The following TFDP1 variants were observed in gnomAD, a reference collection of about 807,000 sequenced individuals.
The protein encoded by TFDP1 is transcription factor Dp-1.
In TFDP1, 6 loss-of-function variants were observed where a neutral mutation model predicts 48.0. That is an observed-to-expected ratio of 0.13 (90% confidence interval 0.07 to 0.25). The LOEUF (loss-of-function observed/expected upper bound fraction) is 0.25, where lower values mean the gene tolerates loss of function less well. Ranked by LOEUF, TFDP1 falls within the 10% of genes least tolerant of loss-of-function variation. The pLI is 1.00. For missense variants in TFDP1, 335 were observed against 543.0 expected, an observed-to-expected ratio of 0.62 and a Z score of 3.81; for synonymous variants, 201 against 211.6, an observed-to-expected ratio of 0.95 and a Z score of 0.44.
chr13:113,595,977 G>A (rs1298663290), intron 2 of TFDP1, among the ~76,000 whole-genome samples: 1 of 152,234 alleles, frequency 6.6e-6, no homozygotes, highest in Non-Finnish European at 1.5e-5. Flanking sequence ...AGCTACTTGG[G>A]AGGCTGAGGC....
At chr13:113,586,039 C>T (rs1332361797) in intron 2 of TFDP1, 190 bp downstream of exon 2, 3 of 576,424 alleles carry the variant, frequency 5.2e-6, no homozygotes, top group East Asian at 2.9e-5. Flanking sequence ...GGTCACCACC[C>T]ACAAGTTGTG....
rs931883880 is a variant in TFDP1, at chr13:113,640,624, C to G, written c.*357C>G. On this transcript the variant is annotated 3_prime_UTR_variant, in exon 12 of 12. Coordinates refer to ENST00000375370, the MANE Select transcript of TFDP1 (RefSeq NM_007111.5). ...CACATCCATGAAAATAAAACACCTC[C>G]TGTTGTGGATGGTGAGCCCCTGATG... 1 of 280,410 alleles carries G rather than the reference C, an allele frequency of 3.6e-6. No individual in the cohort carries two copies. The highest frequency in any genetic ancestry group is 6.8e-6 in the Non-Finnish European group (1 of 147,930). 17.4% of individuals were successfully genotyped at this position (280,410 alleles called of 1,614,324 possible). A position where few individuals can be genotyped will look rare whatever the true frequency, so the allele number is the denominator to read the frequency against.
In TFDP1 at chr13:113,585,758, T is replaced by TA; in HGVS notation, c.-64-16_-64-15insA. The stretch of plus-strand genomic sequence containing the variant: ...TATTTCTTGTTTTTCCTTACTTTTT[T>TA]TTTTTTTTTTACCAGAAAAATCATT... On this transcript the variant is annotated splice_polypyrimidine_tract_variant and intron_variant, in intron 1 of 11. Transcript: ENST00000375370. 1 of 1,396,162 alleles carries TA rather than the reference T, an allele frequency of 7.2e-7. No individual in the cohort carries two copies. The allele number at this position is 1,396,162 out of a possible 1,614,324, so 86.5% of individuals were successfully genotyped here. A position where few individuals can be genotyped will look rare whatever the true frequency, so the allele number is the denominator to read the frequency against.
intron 2 of TFDP1, among the ~76,000 whole-genome samples, chr13:113,602,568 G>A (rs561415418): frequency 6.6e-6 from 1 of 152,284 alleles, no homozygotes; most frequent in South Asian, 2.1e-4. Flanking sequence ...GGCCACTCCA[G>A]TCCTCAGGGG....
intron 2 of TFDP1, among the ~76,000 whole-genome samples, chr13:113,592,358 T>C (rs1408692458): frequency 1.3e-5 from 2 of 152,246 alleles, no homozygotes; most frequent in Admixed American, 1.3e-4. Context: ...GGTTTCTTCA[T>C]GTTGCTCAGG....
At chr13:113,625,123 G>C (rs1384010105) in intron 4 of TFDP1, among the ~76,000 whole-genome samples, 2 of 112,228 alleles carry the variant, frequency 1.8e-5, no homozygotes, top group African/African-American at 3.8e-5. Flanking sequence ...CGTGTCCTCA[G>C]GTGTCTCTCA....
intron 3 of TFDP1, 76 bp downstream of exon 3, chr13:113,611,138 G>T: frequency 3.6e-6 from 5 of 1,382,674 alleles, no homozygotes; most frequent in South Asian, 1.2e-5. Context: ...AGCTGTTGAC[G>T]CTGAAGCCTC....
chr13:113,591,158 A>C (rs887751289), intron 2 of TFDP1, among the ~76,000 whole-genome samples: 2 of 151,602 alleles, frequency 1.3e-5, no homozygotes, highest in Non-Finnish European at 2.9e-5. Context: ...TCTGGCCAAC[A>C]TGGCAAAACC....
chr13:113,623,343 G>C lies in TFDP1; in HGVS notation c.186+57G>C, dbSNP rs1366457326. 3.1e-5 allele frequency: 47 copies of C among 1,501,022 alleles called. No individual in the cohort carries two copies. Among genetic ancestry groups the C allele is most frequent in the Non-Finnish European group, 4.0e-5 (44 of 1,103,714 alleles). The allele number at this position is 1,501,022 out of a possible 1,614,324, so 93.0% of individuals were successfully genotyped here. On this transcript the variant is annotated intron_variant, in intron 4 of 11. Transcript: ENST00000375370. The surrounding 1 kb of genome is among the most constrained non-coding windows in gnomAD (Gnocchi z 5.2). ...TCTCGGTGTGAGGTCGGGATCGGAT[G>C]AGCCGTGTGGTTGGGGATGTTCCCA...
At chr13:113,596,915 A>G (rs1422371839) in intron 2 of TFDP1, among the ~76,000 whole-genome samples, 1 of 152,182 alleles carries the variant, frequency 6.6e-6, no homozygotes, top group Non-Finnish European at 1.5e-5. Context: ...TGAGACAGAA[A>G]GGCTGCGCGT....
chr13:113,585,620 G>C, intron 1 of TFDP1, 154 bp from the exon 2 acceptor site: 1 of 479,468 alleles, frequency 2.1e-6, no homozygotes, highest in Non-Finnish European at 3.8e-6. Context: ...AATCCTGAGT[G>C]TGGGAGTCGG....
In TFDP1 at chr13:113,598,896, C is replaced by T. The variant is rs542162886; in HGVS notation, c.13-12100C>T. On this transcript the variant is annotated intron_variant, in intron 2 of 11. Transcript: ENST00000375370. This position sits in a 1 kb window ranked among gnomAD's most constrained non-coding sequence, Gnocchi z 4.2. ...GGATCTTGTTAGGTGTGTGGCTTTTCCCTTAGTTTAGAAAATGAAATCGCC... is the reference window on the plus strand; with the variant it reads ...GGATCTTGTTAGGTGTGTGGCTTTTTCCTTAGTTTAGAAAATGAAATCGCC... Among the ~76,000 whole-genome samples the T allele has an allele frequency of 2.0e-5, 3 of 152,282 alleles. No homozygotes were observed. The highest frequency in any genetic ancestry group is 7.2e-5 in the African/African-American group (3 of 41,552).
chr13:113,612,856 A>T (rs1330925676), intron 3 of TFDP1, among the ~76,000 whole-genome samples: 1 of 152,206 alleles, frequency 6.6e-6, no homozygotes, highest in Admixed American at 6.5e-5. Flanking sequence ...CCGGCCCAGC[A>T]GGGCCGTGCA....
chr13:113,625,600 G>A (rs1384949272), intron 4 of TFDP1, among the ~76,000 whole-genome samples: 4 of 90,930 alleles, frequency 4.4e-5, no homozygotes, highest in Admixed American at 1.3e-4. Flanking sequence ...TGTCTCTCAC[G>A]TGTCTTCAGG....
intron 11 of TFDP1, 93 bp downstream of exon 11, chr13:113,637,989 C>T: frequency 6.6e-7 from 1 of 1,522,942 alleles, no homozygotes. Context: ...GTGTGGCCAT[C>T]AGGTCTGTGG....
At chr13:113,632,060 G>A (rs2049351471) in intron 5 of TFDP1, among the ~76,000 whole-genome samples, 1 of 152,202 alleles carries the variant, frequency 6.6e-6, no homozygotes, top group Non-Finnish European at 1.5e-5. Flanking sequence ...ACAGGACCTC[G>A]GAGACTTTCC....
rs556113157 is a variant in TFDP1, at chr13:113,598,880, T to A, written c.13-12116T>A. 6.6e-6 allele frequency among the ~76,000 whole-genome samples: 1 copy of A among 152,348 alleles called. No individual in the cohort carries two copies. Among genetic ancestry groups the A allele is most frequent in the Admixed American group, 6.5e-5 (1 of 15,304 alleles). Reference sequence around the variant, plus strand: ...CTCATCACCTCTGGATGGATCTTGTTAGGTGTGTGGCTTTTCCCTTAGTTT... The same window carrying A: ...CTCATCACCTCTGGATGGATCTTGTAAGGTGTGTGGCTTTTCCCTTAGTTT... On this transcript the variant is annotated intron_variant, in intron 2 of 11. Coordinates refer to ENST00000375370, the MANE Select transcript of TFDP1 (RefSeq NM_007111.5). This position sits in a 1 kb window ranked among gnomAD's most constrained non-coding sequence, Gnocchi z 4.2.
chr13:113,586,056 G>GT, intron 2 of TFDP1: 2 of 493,878 alleles, frequency 4.0e-6, no homozygotes, highest in Non-Finnish European at 7.2e-6. Context: ...TGTGGCCTTG[G>GT]ATACCACACT....
intron 3 of TFDP1, among the ~76,000 whole-genome samples, chr13:113,622,296 CTCG>C (rs1262081294): frequency 2.0e-5 from 3 of 152,210 alleles, no homozygotes; most frequent in Non-Finnish European, 4.4e-5. Flanking sequence ...TCTACACTCT[CTCG>C]TCTCCGCACA....
Sources: gnomAD v4.1 joint callset for allele counts (sites outside exome capture counted in the v4.1 genomes callset) on GRCh38, gnomAD v4.1.1 for gene constraint, Gnocchi (gnomAD v3.1) non-coding constraint, MANE v1.5 for transcripts, NCBI Gene and HGNC (gene_info 2026-07-23, HGNC 2026-07-21) for gene names.